The following GRID1 variants were observed in gnomAD, a reference collection of about 807,000 sequenced individuals.
GRID1 encodes glutamate ionotropic receptor delta type subunit 1, also known as glutamate receptor ionotropic, delta-1.
In GRID1, 28 loss-of-function variants were observed where a neutral mutation model predicts 98.0. The observed-to-expected ratio is 0.29, with a 90% CI of 0.21 to 0.39. GRID1 has a LOEUF of 0.39. Ranked by LOEUF, GRID1 falls within the 10% of genes least tolerant of loss-of-function variation. The pLI is 1.00. For synonymous variants in GRID1, 553 were observed against 538.5 expected, an observed-to-expected ratio of 1.03 and a Z score of -0.37; for missense variants, 1,111 against 1,340.5, an observed-to-expected ratio of 0.83 and a Z score of 2.67.
At chr10:85,635,424 C>A (rs117611949) in intron 13 of GRID1, among the ~76,000 whole-genome samples, 3,217 of 152,248 alleles carry the variant, frequency 0.021, 47 homozygotes, top group East Asian at 0.06. Flanking sequence ...CCCTCCCCTG[C>A]CCCCTCCTTG....
chr10:86,161,958 G>A (rs142644108), intron 3 of GRID1, among the ~76,000 whole-genome samples: 73 of 152,298 alleles, frequency 4.8e-4, no homozygotes, highest in South Asian at 1.5e-3. Flanking sequence ...ACAAATTTCC[G>A]ATTGTCACTG....
rs148035683 is a variant in GRID1 at position 85,652,388 on chromosome 10, T to G, written c.1998-4991A>C. Among the ~76,000 whole-genome samples, 465 of 152,352 alleles carry G rather than the reference T, an allele frequency of 3.1e-3. 3 individuals are homozygous for G. The highest frequency in any genetic ancestry group is 9.4e-3 in the African/African-American group (391 of 41,580). On this transcript the variant is annotated intron_variant, in intron 12 of 15. Transcript: ENST00000327946. The stretch of plus-strand genomic sequence containing the variant: ...ACTTGTAACAAGAGCAGAATCAATA[T>G]TCAGTATACGTAAAACGGATTTCAA...
At chr10:86,318,915 G>T (rs924939270) in intron 2 of GRID1, among the ~76,000 whole-genome samples, 1 of 152,206 alleles carries the variant, frequency 6.6e-6, no homozygotes, top group Non-Finnish European at 1.5e-5. Context: ...AGTGCCAGGT[G>T]AGAAGCTCTA....
In GRID1 at chr10:85,918,755, G is replaced by C. The variant is rs1297032096; in HGVS notation, c.727-2516C>G. Among the ~76,000 whole-genome samples, 4 of 152,324 alleles carry C rather than the reference G, an allele frequency of 2.6e-5. No individual in the cohort carries two copies. The East Asian group carries it at 7.7e-4, about 29-fold the overall frequency. Reference sequence around the variant, plus strand: ...CTTTCTGACTTTCCAAGTCATTCAAGATGAAATGGGGTGCCTCAGGAGTAG... The same window carrying C: ...CTTTCTGACTTTCCAAGTCATTCAACATGAAATGGGGTGCCTCAGGAGTAG... On this transcript the variant is annotated intron_variant, in intron 4 of 15. Transcript: ENST00000327946.
intron 2 of GRID1, among the ~76,000 whole-genome samples, chr10:86,235,375 C>T (rs1019763607): frequency 1.1e-4 from 17 of 152,226 alleles, no homozygotes; most frequent in African/African-American, 3.9e-4. Context: ...TGGTCTTCAG[C>T]AAGATCATTT....
intron 2 of GRID1, among the ~76,000 whole-genome samples, chr10:86,336,259 AG>A (rs1323246516): frequency 2.6e-5 from 4 of 152,242 alleles, no homozygotes; most frequent in African/African-American, 9.6e-5. Flanking sequence ...AAACACTAAT[AG>A]GGTGCACAAT....
At chr10:85,782,805 T>G (rs1185495317) in intron 8 of GRID1, among the ~76,000 whole-genome samples, 1 of 152,252 alleles carries the variant, frequency 6.6e-6, no homozygotes, top group Admixed American at 6.5e-5. Context: ...CAGAGACTAT[T>G]CTAGAAAAGA....
At chr10:85,895,642 C>CA (rs1841283151) in intron 5 of GRID1, among the ~76,000 whole-genome samples, 1 of 152,128 alleles carries the variant, frequency 6.6e-6, no homozygotes, top group Non-Finnish European at 1.5e-5. Flanking sequence ...AGCTGAGGGA[C>CA]AAAAACCTAA....
At chr10:85,710,843 C>T (rs1032675966) in intron 12 of GRID1, among the ~76,000 whole-genome samples, 1 of 151,904 alleles carries the variant, frequency 6.6e-6, no homozygotes, top group Admixed American at 6.6e-5. Flanking sequence ...GCAAATTTGA[C>T]AATAAACACA....
intron 4 of GRID1, among the ~76,000 whole-genome samples, chr10:86,048,976 C>T (rs922580770): frequency 2.0e-5 from 3 of 152,222 alleles, no homozygotes; most frequent in Admixed American, 6.5e-5. Flanking sequence ...AAGAGCCCTT[C>T]TATGCATCAA....
intron 4 of GRID1, among the ~76,000 whole-genome samples, chr10:85,959,747 GA>G (rs1842241850): frequency 6.6e-6 from 1 of 152,130 alleles, no homozygotes; most frequent in Admixed American, 6.6e-5. Flanking sequence ...CTATTACTGA[GA>G]ACATCACTAT....
chr10:86,006,983 C>A (rs747036607), intron 4 of GRID1, among the ~76,000 whole-genome samples: 2 of 152,026 alleles, frequency 1.3e-5, no homozygotes, highest in Non-Finnish European at 2.9e-5. Context: ...AGCTCTGGAG[C>A]AATCCCCGTC....
intron 11 of GRID1, 72 bp downstream of exon 11, chr10:85,724,280 G>A: frequency 8.3e-7 from 1 of 1,207,244 alleles, no homozygotes; most frequent in South Asian, 1.5e-5. Context: ...AAATGCACCT[G>A]AGAACTTTGC....
At chr10:86,055,007 G>A (rs1369320104) in intron 4 of GRID1, among the ~76,000 whole-genome samples, 2 of 152,156 alleles carry the variant, frequency 1.3e-5, no homozygotes, top group Non-Finnish European at 2.9e-5. Context: ...ATGAGAATGA[G>A]CCTGGGCTAG....
chr10:86,325,698 T>G (rs1848039357), intron 2 of GRID1, among the ~76,000 whole-genome samples: 1 of 152,238 alleles, frequency 6.6e-6, no homozygotes, highest in Non-Finnish European at 1.5e-5. Context: ...GAAATTAATT[T>G]GAATTGAGCA....
At chr10:86,114,509 G>C (rs747790461) in intron 4 of GRID1, among the ~76,000 whole-genome samples, 1 of 152,154 alleles carries the variant, frequency 6.6e-6, no homozygotes, top group Non-Finnish European at 1.5e-5. Flanking sequence ...GTCCTACAGC[G>C]GGTCTGGGAG....
intron 8 of GRID1, among the ~76,000 whole-genome samples, chr10:85,732,170 G>A (rs1342066537): frequency 1.3e-5 from 2 of 152,172 alleles, no homozygotes; most frequent in Non-Finnish European, 2.9e-5. Flanking sequence ...TCCCATAACT[G>A]CTTAGCCCAG....
At chr10:86,107,493 A>G (rs921872183) in intron 4 of GRID1, among the ~76,000 whole-genome samples, 11 of 152,192 alleles carry the variant, frequency 7.2e-5, no homozygotes, top group African/African-American at 2.7e-4. Flanking sequence ...GGCCCTTTAA[A>G]TGATACAGAA....
Position 86,068,706 on chromosome 10 carries a change from G to A in GRID1, c.726+70113C>T, listed in dbSNP as rs142985287. Among the ~76,000 whole-genome samples the A allele has an allele frequency of 1.9e-3, 293 of 152,318 alleles. 4 individuals carry two copies. The South Asian group carries it at 0.02, about 10-fold the overall frequency. ...AATTAAAATGTGCTCTGTGATGAGCGTCTAGGGAGGCAACTTGCTCAGATG... is the reference window on the plus strand; with the variant it reads ...AATTAAAATGTGCTCTGTGATGAGCATCTAGGGAGGCAACTTGCTCAGATG... On this transcript the variant is annotated intron_variant, in intron 4 of 15. Transcript: ENST00000327946.
Sources: gnomAD v4.1 joint callset for allele counts (sites outside exome capture counted in the v4.1 genomes callset) on GRCh38, gnomAD v4.1.1 for gene constraint, MANE v1.5 for transcripts, NCBI Gene and HGNC (gene_info 2026-07-23, HGNC 2026-07-21) for gene names.